The following ASNS variants were observed in gnomAD, a reference collection of about 807,000 sequenced individuals.
ASNS encodes the protein asparagine synthetase (glutamine-hydrolyzing).
In ASNS, 37 loss-of-function variants were observed where a neutral mutation model predicts 62.6. The ratio of observed to expected loss-of-function variants is 0.59; its 90% CI spans 0.45 to 0.78. The LOEUF (loss-of-function observed/expected upper bound fraction) is 0.78. Among genes scored for constraint, ASNS ranks in the 30% least tolerant of loss-of-function variants. ASNS has a pLI of 0.00. For missense variants in ASNS, 520 were observed against 682.4 expected (o/e 0.76, Z 2.65); for synonymous variants, 207 against 237.9 (o/e 0.87, Z 1.19).
the ASNS span, among the ~76,000 whole-genome samples, chr7:97,884,816 A>G: frequency 1.3e-5 from 2 of 152,220 alleles, no homozygotes. Context: ...AACCACCATC[A>G]TGATCAATTT....
the ASNS span, among the ~76,000 whole-genome samples, chr7:97,879,708 A>G: frequency 2.6e-5 from 4 of 152,200 alleles, no homozygotes; most frequent in Non-Finnish European, 5.9e-5. Context: ...GGCTGACATT[A>G]TGGTTGCAGC....
chr7:97,854,556 T>C (rs1791342856), intron 10 of ASNS, 24 bp downstream of exon 10: 3 of 1,593,006 alleles, frequency 1.9e-6, no homozygotes, highest in Non-Finnish European at 2.6e-6. Context: ...GTTTTTGTTT[T>C]ACAATAGCCT....
At chr7:97,896,727 C>CAT in the ASNS span, among the ~76,000 whole-genome samples, 1 of 31,656 alleles carries the variant, frequency 3.2e-5, no homozygotes, top group Non-Finnish European at 7.0e-5. Flanking sequence ...CACACACACA[C>CAT]ACACACACAC....
the ASNS span, among the ~76,000 whole-genome samples, chr7:97,925,347 C>A: frequency 6.6e-6 from 1 of 152,160 alleles, no homozygotes; most frequent in African/African-American, 2.4e-5. Context: ...TCGACACTCT[C>A]ACCCTCAAAC....
At chr7:97,884,647 T>C in the ASNS span, among the ~76,000 whole-genome samples, 1 of 152,140 alleles carries the variant, frequency 6.6e-6, no homozygotes. Flanking sequence ...TTTCTCTACA[T>C]AGTGAACTCA....
the ASNS span, among the ~76,000 whole-genome samples, chr7:97,907,891 A>C: frequency 6.6e-6 from 1 of 152,224 alleles, no homozygotes; most frequent in Non-Finnish European, 1.5e-5. Flanking sequence ...TAGGCAAAAG[A>C]CACTATCACA....
upstream of ASNS, among the ~76,000 whole-genome samples, chr7:97,874,921 C>A (rs978455061): frequency 6.6e-6 from 1 of 152,238 alleles, no homozygotes; most frequent in African/African-American, 2.4e-5. Context: ...CTATTTTCAA[C>A]CTAATGATCT....
chr7:97,886,219 C>G, the ASNS span: 1 of 240,858 alleles, frequency 4.2e-6, no homozygotes. Flanking sequence ...ATGATCTCAG[C>G]TCACTGAAAC....
chr7:97,914,734 C>G, the ASNS span, among the ~76,000 whole-genome samples: 5 of 152,192 alleles, frequency 3.3e-5, no homozygotes, highest in Admixed American at 3.3e-4. Flanking sequence ...TGAATTAACC[C>G]TGATGTCTGC....
the ASNS span, among the ~76,000 whole-genome samples, chr7:97,905,343 T>C: frequency 2.0e-5 from 3 of 152,156 alleles, no homozygotes; most frequent in South Asian, 2.1e-4. Context: ...AAAATCTCCA[T>C]ACCCCATTGA....
At chr7:97,899,507 T>C in the ASNS span, among the ~76,000 whole-genome samples, 8 of 152,146 alleles carry the variant, frequency 5.3e-5, no homozygotes, top group African/African-American at 1.9e-4. Context: ...ATTTCAATGG[T>C]TTTTAATATA....
upstream of ASNS, among the ~76,000 whole-genome samples, chr7:97,872,915 A>G (rs887678065): frequency 2.6e-5 from 4 of 152,242 alleles, no homozygotes; most frequent in African/African-American, 4.8e-5. Context: ...AGCCTGGGAA[A>G]CACAGCGAGA....
chr7:97,923,209 G>C, the ASNS span, among the ~76,000 whole-genome samples: 1 of 151,070 alleles, frequency 6.6e-6, no homozygotes, highest in Non-Finnish European at 1.5e-5. Context: ...CAATTAAGTG[G>C]TTAACTGACA....
the ASNS span, chr7:97,928,165 G>C: frequency 6.5e-7 from 1 of 1,530,944 alleles, no homozygotes; most frequent in Non-Finnish European, 8.7e-7. Flanking sequence ...CAGTCCTGGG[G>C]CTGTGCGCTT....
chr7:97,856,892 C>A, intron 7 of ASNS, 76 bp from the exon 8 acceptor site: 2 of 1,412,940 alleles, frequency 1.4e-6, no homozygotes, highest in South Asian at 1.4e-5. Context: ...GATGGGAGTT[C>A]ACAAAGCTTT....
Position 97,858,295 on chromosome 7 carries a change from A to T in ASNS, c.886T>A (p.Leu296Ile). 3 of 1,613,282 alleles carry T rather than the reference A, an allele frequency of 1.9e-6. No homozygotes were observed. The highest frequency in any genetic ancestry group is 2.5e-6 in the Non-Finnish European group (3 of 1,179,998). ...FAIGMEDSPD[L>I]LAARKVADHI... Reference sequence around the variant, plus strand: ...CACCTTACCTTTCTAGCAGCCAGTAAATCGGGGCTGTCTTCCATGCCAATT... The same window carrying T: ...CACCTTACCTTTCTAGCAGCCAGTATATCGGGGCTGTCTTCCATGCCAATT... The change falls in exon 7 of 13, where the codon TTA becomes ATA. Residue 296 changes from leucine to isoleucine, a missense_variant. Physicochemically the swap from Leu to Ile is conservative, Grantham distance 5. Transcript: ENST00000394308.
At chr7:97,889,927 C>CAAAAAAAAAA in the ASNS span, among the ~76,000 whole-genome samples, 27 of 38,564 alleles carry the variant, frequency 7.0e-4, no homozygotes, top group African/African-American at 1.2e-3. Flanking sequence ...ATAATGAATA[C>CAAAAAAAAAA]AAAAAAAAAA....
chr7:97,924,726 A>T, the ASNS span, among the ~76,000 whole-genome samples: 1 of 152,380 alleles, frequency 6.6e-6, no homozygotes, highest in Admixed American at 6.5e-5. Context: ...TCTGCAGTCT[A>T]GGTGGGTGAT....
the ASNS span, among the ~76,000 whole-genome samples, chr7:97,925,798 T>C: frequency 6.6e-6 from 1 of 151,988 alleles, no homozygotes; most frequent in Admixed American, 6.6e-5. Context: ...AACCCAGAAA[T>C]CTCTGCCGAG....
Sources: allele counts gnomAD v4.1 joint callset (sites outside exome capture counted in the v4.1 genomes callset), GRCh38; gene constraint gnomAD v4.1.1; transcripts MANE v1.5; gene names NCBI Gene and HGNC (gene_info 2026-07-23, HGNC 2026-07-21).